Variants in ZFHX3 observed in about 807,000 individuals in gnomAD.
ZFHX3 encodes the protein zinc finger homeobox protein 3.
A neutral mutation model predicts 279.1 loss-of-function variants in ZFHX3; 42 were observed. That is an observed-to-expected ratio of 0.15 (90% confidence interval 0.12 to 0.19). The LOEUF (loss-of-function observed/expected upper bound fraction) is 0.19, where lower values mean the gene tolerates loss of function less well. ZFHX3 is among the 10% of genes least tolerant of loss of function. ZFHX3 has a pLI of 1.00. For synonymous variants in ZFHX3, 2,293 were observed against 1,957.8 expected (o/e 1.17, Z -4.52); for missense variants, 4,981 against 4,754.0 (o/e 1.05, Z -1.40).
At chr16:72,903,618 T>G (rs2039094905) in intron 3 of ZFHX3, among the ~76,000 whole-genome samples, 1 of 152,154 alleles carries the variant, frequency 6.6e-6, no homozygotes, top group Admixed American at 6.5e-5. Context: ...TGCTCCAGAA[T>G]GCAAGGCCCC....
At chr16:73,752,272 G>C (rs369454009) in intron 1 of ZFHX3, among the ~76,000 whole-genome samples, 1 of 152,140 alleles carries the variant, frequency 6.6e-6, no homozygotes. Flanking sequence ...TAGTTTGAGA[G>C]GGTGTCAGCT....
chr16:73,872,375 G>A (rs374500031), intron 1 of ZFHX3, among the ~76,000 whole-genome samples: 2 of 152,070 alleles, frequency 1.3e-5, no homozygotes, highest in East Asian at 3.9e-4. Flanking sequence ...ACAGGTGCCT[G>A]CCACCATGCC....
chr16:73,682,867 AAAG>A (rs2053027331), intron 1 of ZFHX3, among the ~76,000 whole-genome samples: 1 of 28,224 alleles, frequency 3.5e-5, no homozygotes, highest in Non-Finnish European at 7.2e-5. Context: ...AGAAAGAAAG[AAAG>A]AAAGAAAGAA....
chr16:73,562,716 C>CAA lies in ZFHX3; in HGVS notation c.-1546-106460_-1546-106459dup, dbSNP rs77821849. ...GGCTTTAAAATGACATTGAGAGGGT[C>CAA]AAAAAAAAAAAGAACAGACAAAATT... On this transcript the variant is annotated intron_variant, in intron 2 of 17. Transcript: ENST00000641206. 8.7e-4 allele frequency among the ~76,000 whole-genome samples: 118 copies of CAA among 135,596 alleles called. 1 individual carries two copies. The highest frequency in any genetic ancestry group is 1.8e-3 in the African/African-American group (67 of 36,638). The allele number at this position is 135,596 out of a possible 152,430, so 89.0% of individuals were successfully genotyped here.
intron 3 of ZFHX3, among the ~76,000 whole-genome samples, chr16:73,367,340 C>T (rs947309556): frequency 6.6e-6 from 1 of 152,152 alleles, no homozygotes; most frequent in Non-Finnish European, 1.5e-5. Flanking sequence ...ATCAAGGTGG[C>T]ACACTTCACA....
chr16:73,832,193 C>T (rs867908482), intron 1 of ZFHX3, among the ~76,000 whole-genome samples: 3 of 151,204 alleles, frequency 2.0e-5, no homozygotes, highest in East Asian at 3.9e-4. Flanking sequence ...CCACTGTGCC[C>T]GACCTCATAT....
intron 1 of ZFHX3, among the ~76,000 whole-genome samples, chr16:73,868,171 G>C (rs1417215095): frequency 3.3e-5 from 5 of 152,176 alleles, no homozygotes; most frequent in African/African-American, 1.2e-4. Flanking sequence ...AACGAATACA[G>C]ACAATAGAAA....
chr16:73,639,570 C>A (rs1293487067), intron 2 of ZFHX3, among the ~76,000 whole-genome samples: 2 of 152,068 alleles, frequency 1.3e-5, no homozygotes, highest in Non-Finnish European at 2.9e-5. Context: ...GAGTCAGTGG[C>A]AAGGGCAGAA....
At chr16:72,982,193 T>C (rs1234434079) in intron 1 of ZFHX3, among the ~76,000 whole-genome samples, 1 of 152,168 alleles carries the variant, frequency 6.6e-6, no homozygotes. Context: ...TTTCTACACA[T>C]TTTCAAACAC....
intron 1 of ZFHX3, among the ~76,000 whole-genome samples, chr16:73,843,526 G>C (rs1961366074): frequency 6.6e-6 from 1 of 152,172 alleles, no homozygotes; most frequent in African/African-American, 2.4e-5. Context: ...AATTGACATG[G>C]AAGTCTTATG....
chr16:73,807,620 A>ATTTTTTTTTTTTTTTTTT (rs55806545), intron 1 of ZFHX3, among the ~76,000 whole-genome samples: 2 of 70,546 alleles, frequency 2.8e-5, no homozygotes, highest in African/African-American at 1.1e-4. Flanking sequence ...CCATGCCCCA[A>ATTTTTTTTTTTTTTTTTT]TTTTTTTTTT....
chr16:73,512,542 A>T (rs1218653314), intron 2 of ZFHX3, among the ~76,000 whole-genome samples: 3 of 150,720 alleles, frequency 2.0e-5, no homozygotes, highest in Non-Finnish European at 1.5e-5. Flanking sequence ...TTTTTACAGA[A>T]TGGATCTAAA....
At chr16:73,104,262 G>C (rs749066761) in intron 7 of ZFHX3, among the ~76,000 whole-genome samples, 2 of 131,942 alleles carry the variant, frequency 1.5e-5, no homozygotes, top group Non-Finnish European at 3.3e-5. Context: ...ACAGAGTCTC[G>C]CTCTGTCACC....
rs768842602 is a variant in ZFHX3 at position 72,787,626 on chromosome 16, C to G, written c.10650G>C (p.Ser3550=). The change falls in exon 10 of 10, where the codon TCG becomes TCC. Residue 3550 remains serine (S), a synonymous_variant. Coordinates refer to ENST00000268489, the MANE Select transcript of ZFHX3 (RefSeq NM_006885.4). The stretch of plus-strand genomic sequence containing the variant: ...TGATTGTTCTGTGTTTGTGCAAGGC[C>G]GACTCGAGATGTTGACTCAGAGCTT... ...GEEALSQHLE[S]ALHKHRTITR... is the part of the protein sequence containing the mutation. The G allele has an allele frequency of 5.6e-6, 9 of 1,612,612 alleles. No individual in the cohort carries two copies. Among genetic ancestry groups the G allele is most frequent in the Non-Finnish European group, 7.6e-6 (9 of 1,179,304 alleles).
At chr16:72,927,340 TCTTTC>T (rs1460539154) in intron 3 of ZFHX3, among the ~76,000 whole-genome samples, 1 of 152,100 alleles carries the variant, frequency 6.6e-6, no homozygotes, top group Non-Finnish European at 1.5e-5. Context: ...ACCCATCGAG[TCTTTC>T]CTTAACAATC....
chr16:73,119,270 A>C (rs1469891587), intron 7 of ZFHX3, among the ~76,000 whole-genome samples: 1 of 151,988 alleles, frequency 6.6e-6, no homozygotes, highest in African/African-American at 2.4e-5. Context: ...TGCCCAGCTA[A>C]ATTTTAAAAC....
At chr16:73,248,158 C>T (rs2013360587) in intron 5 of ZFHX3, among the ~76,000 whole-genome samples, 1 of 147,874 alleles carries the variant, frequency 6.8e-6, no homozygotes. Context: ...TGTCTATGTG[C>T]CTGTATGTGG....
chr16:73,549,305 CT>C (rs2020169323), intron 2 of ZFHX3, among the ~76,000 whole-genome samples: 2 of 152,014 alleles, frequency 1.3e-5, no homozygotes, highest in Non-Finnish European at 2.9e-5. Context: ...TTTTAGTCCA[CT>C]TATTTTCAGG....
chr16:73,145,615 A>T (rs1966859582), intron 5 of ZFHX3, among the ~76,000 whole-genome samples: 2 of 152,194 alleles, frequency 1.3e-5, no homozygotes, highest in African/African-American at 2.4e-5. Flanking sequence ...TGAGTTTTCC[A>T]CTTATGATGG....
Sources: allele counts gnomAD v4.1 joint callset (sites outside exome capture counted in the v4.1 genomes callset), GRCh38; gene constraint gnomAD v4.1.1; transcripts MANE v1.5; gene names NCBI Gene and HGNC (gene_info 2026-07-23, HGNC 2026-07-21).